The following CACNA1B variants were observed in gnomAD, a reference collection of about 807,000 sequenced individuals.
The protein encoded by CACNA1B is voltage-dependent N-type calcium channel subunit alpha-1B.
In CACNA1B, 70 loss-of-function variants were observed where a neutral mutation model predicts 247.2. The ratio of observed to expected loss-of-function variants is 0.28; its 90% confidence interval spans 0.23 to 0.35. The LOEUF (loss-of-function observed/expected upper bound fraction) is 0.35. Ranked by LOEUF, CACNA1B falls within the 10% of genes least tolerant of loss-of-function variation. The pLI is 1.00. For missense variants in CACNA1B, 2,367 were observed against 3,197.4 expected (o/e 0.74, Z 6.26); for synonymous variants, 1,231 against 1,294.4 (o/e 0.95, Z 1.05).
chr9:137,991,702 A>G (rs917939428), intron 15 of CACNA1B, among the ~76,000 whole-genome samples: 6 of 152,258 alleles, frequency 3.9e-5, no homozygotes, highest in Non-Finnish European at 7.3e-5. Flanking sequence ...CAGGTAACCT[A>G]TAAAGGAAAA....
intron 31 of CACNA1B, among the ~76,000 whole-genome samples, chr9:138,069,315 A>G (rs1241991582): frequency 6.6e-6 from 1 of 152,204 alleles, no homozygotes; most frequent in Non-Finnish European, 1.5e-5. Context: ...GCACCCAGAG[A>G]GAGGGCTCCA....
chr9:138,078,806 G>A (rs1960416341), intron 36 of CACNA1B, among the ~76,000 whole-genome samples: 1 of 152,212 alleles, frequency 6.6e-6, no homozygotes, highest in South Asian at 2.1e-4. Context: ...AAGGGAGTGA[G>A]GTGGGATTAG....
At chr9:138,110,359 C>G (rs1267840886) in intron 39 of CACNA1B, among the ~76,000 whole-genome samples, 1 of 152,122 alleles carries the variant, frequency 6.6e-6, no homozygotes, top group Non-Finnish European at 1.5e-5. Context: ...AAATGATCCA[C>G]TTGCCTTGGC....
chr9:138,079,874 CAAA>C lies in CACNA1B; in HGVS notation c.5094+1632_5094+1634del, dbSNP rs145080243. ...TGGGCAACAGAGCAAGACTCTGTCT[CAAA>C]AAAAAAAAAAAAAAATGTTGTTTAT... On this transcript the variant is annotated intron_variant, in intron 36 of 46. Transcript: ENST00000371372. Among the ~76,000 whole-genome samples the C allele has an allele frequency of 0.017, 1,947 of 115,892 alleles. 77 individuals carry two copies. In the East Asian group the frequency reaches 0.19, roughly 11 times the overall value. The allele number at this position is 115,892 out of a possible 152,430, so 76.0% of individuals were successfully genotyped here.
At chr9:137,900,430 T>G (rs1292381639) in intron 3 of CACNA1B, among the ~76,000 whole-genome samples, 1 of 152,096 alleles carries the variant, frequency 6.6e-6, no homozygotes, top group Admixed American at 6.5e-5. Context: ...CTGCTGTGTG[T>G]GTCTGCGCCG....
intron 3 of CACNA1B, among the ~76,000 whole-genome samples, chr9:137,903,234 A>T (rs970868962): frequency 2.0e-4 from 30 of 152,232 alleles, no homozygotes; most frequent in African/African-American, 6.7e-4. Context: ...ATACAAAAAA[A>T]AATTAGCCAG....
chr9:138,120,612 T>A lies in CACNA1B; in HGVS notation c.6239-19T>A, dbSNP rs1962053249. The A allele has an allele frequency of 2.7e-6, 4 of 1,482,450 alleles. No homozygotes were observed. The highest frequency in any genetic ancestry group is 2.7e-5 in the Admixed American group (1 of 37,350). The allele number at this position is 1,482,450 out of a possible 1,614,324, so 91.8% of individuals were successfully genotyped here. On this transcript the variant is annotated intron_variant, in intron 45 of 46. Coordinates refer to ENST00000371372, the MANE Select transcript of CACNA1B (RefSeq NM_000718.4). ...TGCCTTGGGCCTGGCCGTGCTAACTTCTTCTCTTCCCTGGCCAGCACCAAG... is the reference window on the plus strand; with the variant it reads ...TGCCTTGGGCCTGGCCGTGCTAACTACTTCTCTTCCCTGGCCAGCACCAAG...
chr9:138,080,875 T>C (rs1960500800), intron 36 of CACNA1B, among the ~76,000 whole-genome samples: 1 of 152,162 alleles, frequency 6.6e-6, no homozygotes, highest in African/African-American at 2.4e-5. Context: ...TTGGGAATGA[T>C]GTGCACTTGA....
At position 138,050,410 on chromosome 9, in the gene CACNA1B, C is replaced by T. The variant is rs1959233736; in HGVS notation, c.3710+1095C>T. Reference sequence around the variant, plus strand: ...GGGAGGGAACTGCCACCTGTGGCCACAGCCCGAGGACCGGGGACATCGCGA... The same window carrying T: ...GGGAGGGAACTGCCACCTGTGGCCATAGCCCGAGGACCGGGGACATCGCGA... On this transcript the variant is annotated intron_variant, in intron 24 of 46. Coordinates refer to ENST00000371372, the MANE Select transcript of CACNA1B (RefSeq NM_000718.4). This position sits in a 1 kb window ranked among gnomAD's most constrained non-coding sequence, Gnocchi z 5.2. 6.6e-6 allele frequency among the ~76,000 whole-genome samples: 1 copy of T among 152,226 alleles called. No individual in the cohort carries two copies. Among genetic ancestry groups the T allele is most frequent in the Admixed American group, 6.5e-5 (1 of 15,288 alleles).
chr9:138,119,275 A>C (rs928006401), intron 44 of CACNA1B, among the ~76,000 whole-genome samples: 6 of 152,000 alleles, frequency 3.9e-5, no homozygotes, highest in African/African-American at 1.5e-4. Flanking sequence ...GGACATGCAC[A>C]CTGGATTCAG....
chr9:138,120,082 C>CGTA, intron 44 of CACNA1B, 83 bp from the exon 45 acceptor site: 1 of 1,210,584 alleles, frequency 8.3e-7, no homozygotes, highest in South Asian at 1.4e-5. Flanking sequence ...GCTGTCTGGC[C>CGTA]TGCTCCACCA....
At position 137,999,699 on chromosome 9, in the gene CACNA1B, G is replaced by T. The variant is rs546725412; in HGVS notation, c.1975-7068G>T. 1.4e-4 allele frequency among the ~76,000 whole-genome samples: 22 copies of T among 151,772 alleles called. No homozygotes were observed. In the South Asian group the frequency reaches 4.2e-3, roughly 29 times the overall value. On this transcript the variant is annotated intron_variant, in intron 15 of 46. Coordinates refer to ENST00000371372, the MANE Select transcript of CACNA1B (RefSeq NM_000718.4). ...TAATTTCTATTTTTTGTAGAGACGT[G>T]GTCTCACAATGTTGCCCAGGCTGGT...
At position 137,914,876 on chromosome 9, in the gene CACNA1B, T is replaced by C; in HGVS notation, c.775+70T>C. 1 of 1,554,332 alleles carries C rather than the reference T, an allele frequency of 6.4e-7. No homozygotes were observed. Among genetic ancestry groups the C allele is most frequent in the African/African-American group, 1.3e-5 (1 of 74,106 alleles). ...GCGTTCATCCAGGAGATGGGCACTG[T>C]TCTAGGTGCTAGAGGGGCCTTCTTG... is the stretch of plus-strand genomic sequence containing the variant. On this transcript the variant is annotated intron_variant, in intron 5 of 46. Transcript: ENST00000371372. This position sits in a 1 kb window ranked among gnomAD's most constrained non-coding sequence, Gnocchi z 4.3.
At chr9:138,029,703 C>T (rs943832739) in intron 20 of CACNA1B, among the ~76,000 whole-genome samples, 32 of 151,248 alleles carry the variant, frequency 2.1e-4, no homozygotes, top group African/African-American at 7.5e-4. Flanking sequence ...CACCATCTCC[C>T]GGGTTCAAAG....
intron 31 of CACNA1B, among the ~76,000 whole-genome samples, chr9:138,067,363 TCTAA>T (rs1420477730): frequency 2.0e-5 from 3 of 152,242 alleles, no homozygotes; most frequent in Non-Finnish European, 2.9e-5. Flanking sequence ...GTGAACATTC[TCTAA>T]CTAACTAGAC....
chr9:137,930,743 T>C (rs556651126), intron 6 of CACNA1B, among the ~76,000 whole-genome samples: 8 of 152,202 alleles, frequency 5.3e-5, no homozygotes, highest in Admixed American at 1.3e-4. Context: ...TGTCAGTTTC[T>C]GTATCACTTA....
chr9:137,949,236 T>TG (rs1957845976), intron 6 of CACNA1B, among the ~76,000 whole-genome samples: 2 of 146,196 alleles, frequency 1.4e-5, no homozygotes, highest in African/African-American at 2.6e-5. Context: ...GTGTGTGGTG[T>TG]ATGCATGTGT....
rs1957941705 is a variant in CACNA1B, at chr9:137,955,938, A to G, written c.1186+125A>G. The G allele has an allele frequency of 1.4e-6, 1 of 698,332 alleles. No homozygotes were observed. The highest frequency in any genetic ancestry group is 1.8e-5 in the African/African-American group (1 of 55,842). The allele number at this position is 698,332 out of a possible 1,614,324, so 43.3% of individuals were successfully genotyped here. A position where few individuals can be genotyped will look rare whatever the true frequency, so the allele number is the denominator to read the frequency against. Reference sequence around the variant, plus strand: ...TAGAGCCTGAAGGGATTTTGTAGTGAGCAGAGTGAGAAGGGATTTCTCTCT... The same window carrying G: ...TAGAGCCTGAAGGGATTTTGTAGTGGGCAGAGTGAGAAGGGATTTCTCTCT... On this transcript the variant is annotated intron_variant, in intron 8 of 46. Coordinates refer to ENST00000371372, the MANE Select transcript of CACNA1B (RefSeq NM_000718.4). The surrounding 1 kb of genome is among the most constrained non-coding windows in gnomAD (Gnocchi z 6.9).
At chr9:138,109,765 T>A (rs879339855) in intron 39 of CACNA1B, among the ~76,000 whole-genome samples, 7 of 152,154 alleles carry the variant, frequency 4.6e-5, no homozygotes, top group Non-Finnish European at 1.0e-4. Flanking sequence ...TCTAAAATTA[T>A]GAAACCTGTA....
Sources: gnomAD v4.1 joint callset for allele counts (sites outside exome capture counted in the v4.1 genomes callset) on GRCh38, gnomAD v4.1.1 for gene constraint, Gnocchi (gnomAD v3.1) non-coding constraint, MANE v1.5 for transcripts, NCBI Gene and HGNC (gene_info 2026-07-23, HGNC 2026-07-21) for gene names.